Variants in HIVEP3 observed in about 807,000 individuals in gnomAD.
HIVEP3 encodes the protein transcription factor HIVEP3.
In HIVEP3, 49 loss-of-function variants were observed where a neutral mutation model predicts 152.8. That is an observed-to-expected ratio of 0.32 (90% CI 0.26 to 0.41). The LOEUF is 0.41. HIVEP3 is among the 10% of genes least tolerant of loss of function. The pLI, the probability that HIVEP3 is intolerant of heterozygous loss-of-function variation, is 1.00. For missense variants in HIVEP3, 2,790 were observed against 3,103.3 expected, an observed-to-expected ratio of 0.90 and a Z score of 2.40; for synonymous variants, 1,269 against 1,289.0, an observed-to-expected ratio of 0.98 and a Z score of 0.33.
chr1:41,828,969 T>C (rs1293997729), intron 1 of HIVEP3, among the ~76,000 whole-genome samples: 2 of 152,230 alleles, frequency 1.3e-5, no homozygotes, highest in Admixed American at 1.3e-4. Flanking sequence ...CTGGCCAACA[T>C]TGCCCAACCC....
At chr1:41,779,655 C>T (rs1021596476) in intron 1 of HIVEP3, among the ~76,000 whole-genome samples, 16 of 152,194 alleles carry the variant, frequency 1.1e-4, no homozygotes, top group Non-Finnish European at 2.1e-4. Context: ...ACCATTATGC[C>T]TGGCTAATTT....
intron 1 of HIVEP3, among the ~76,000 whole-genome samples, chr1:41,966,684 T>G (rs1645200667): frequency 6.6e-6 from 1 of 150,964 alleles, no homozygotes. Flanking sequence ...GGTTTCACCA[T>G]GTTAGCCAGG....
At chr1:42,023,199 G>T (rs955686551) in intron 1 of HIVEP3, among the ~76,000 whole-genome samples, 2 of 151,920 alleles carry the variant, frequency 1.3e-5, no homozygotes, top group African/African-American at 4.8e-5. Context: ...TAGAGACAGG[G>T]TTTCACCATG....
chr1:41,556,822 A>G (rs1337927714), intron 5 of HIVEP3, among the ~76,000 whole-genome samples: 1 of 152,186 alleles, frequency 6.6e-6, no homozygotes, highest in East Asian at 1.9e-4. Flanking sequence ...ATATGGTGTA[A>G]GGTATGAGTC....
chr1:41,896,466 A>C (rs1229334679), intron 1 of HIVEP3, among the ~76,000 whole-genome samples: 2 of 152,070 alleles, frequency 1.3e-5, no homozygotes, highest in African/African-American at 4.8e-5. Context: ...TGCTTTTCTG[A>C]CTGCCACTTG....
chr1:42,033,814 G>A (rs1450963149), intron 1 of HIVEP3, among the ~76,000 whole-genome samples: 1 of 152,172 alleles, frequency 6.6e-6, no homozygotes, highest in Non-Finnish European at 1.5e-5. Flanking sequence ...AAAGCATAGG[G>A]GCAGGATAGT....
At chr1:41,996,326 C>G (rs575732490) in intron 1 of HIVEP3, among the ~76,000 whole-genome samples, 37 of 151,070 alleles carry the variant, frequency 2.4e-4, no homozygotes, top group Admixed American at 2.1e-3. Flanking sequence ...AGAGTTTGAG[C>G]TTGCAGTGAG....
At chr1:41,615,039 C>T (rs1406301208) in intron 3 of HIVEP3, among the ~76,000 whole-genome samples, 2 of 152,146 alleles carry the variant, frequency 1.3e-5, no homozygotes, top group Admixed American at 1.3e-4. Flanking sequence ...GTCATTAGCT[C>T]CTGTTTGGGA....
At chr1:41,842,159 T>C (rs1037812006) in intron 1 of HIVEP3, among the ~76,000 whole-genome samples, 6 of 152,132 alleles carry the variant, frequency 3.9e-5, no homozygotes, top group Non-Finnish European at 8.8e-5. Context: ...CACTCAATAA[T>C]AACAGCAATA....
Position 41,510,650 on chromosome 1 carries a change from G to A in HIVEP3, c.7022C>T (p.Pro2341Leu). ...RLESPRAPTNPEPSATPPLDR... is the reference protein window; with the variant it reads ...RLESPRAPTNLEPSATPPLDR... ...CAGCGGCGGGGTGGCAGAAGGCTCG[G>A]GGTTGGTCGGTGCACGCGGGGACTC... The change falls in exon 9 of 9, where the codon CCC (proline) becomes CTC (leucine). Residue 2341 changes from proline to leucine, a missense_variant. Pro to Leu is a moderately conservative substitution (Grantham distance 98, BLOSUM62 -3). This residue lies in a region of HIVEP3 where 816 missense variants were observed against 806.5 expected (regional missense o/e 1.01). Coordinates refer to ENST00000372583, the MANE Select transcript of HIVEP3 (RefSeq NM_024503.5). The A allele has an allele frequency of 1.3e-6, 2 of 1,538,626 alleles. No homozygotes were observed. The highest frequency in any genetic ancestry group is 2.5e-5 in the East Asian group (1 of 40,810).
intron 1 of HIVEP3, among the ~76,000 whole-genome samples, chr1:41,784,401 T>C (rs1649225947): frequency 6.6e-6 from 1 of 152,264 alleles, no homozygotes; most frequent in South Asian, 2.1e-4. Context: ...ACTGTTTCTC[T>C]TTGCTTTTTT....
intron 1 of HIVEP3, among the ~76,000 whole-genome samples, chr1:41,770,756 G>T (rs1342501565): frequency 6.6e-6 from 1 of 152,168 alleles, no homozygotes; most frequent in Non-Finnish European, 1.5e-5. Flanking sequence ...GTCACAGAAT[G>T]CAGGACACTA....
chr1:41,917,007 C>T (rs1339610329), intron 1 of HIVEP3, among the ~76,000 whole-genome samples: 1 of 152,174 alleles, frequency 6.6e-6, no homozygotes, highest in Non-Finnish European at 1.5e-5. Context: ...AGAGCTAATA[C>T]CACACTGTCC....
intron 1 of HIVEP3, among the ~76,000 whole-genome samples, chr1:42,000,502 C>A (rs1351305588): frequency 6.6e-6 from 1 of 152,082 alleles, no homozygotes; most frequent in Non-Finnish European, 1.5e-5. Context: ...GAGCAGGTTC[C>A]CAAAGGAGAA....
intron 1 of HIVEP3, among the ~76,000 whole-genome samples, chr1:41,994,885 G>C (rs1377720172): frequency 6.6e-6 from 1 of 151,314 alleles, no homozygotes; most frequent in Non-Finnish European, 1.5e-5. Flanking sequence ...AACCCGAGAG[G>C]CTCCAGAAAC....
intron 5 of HIVEP3, among the ~76,000 whole-genome samples, chr1:41,537,403 T>C (rs1483438901): frequency 2.6e-5 from 4 of 152,212 alleles, no homozygotes; most frequent in Admixed American, 2.6e-4. Flanking sequence ...TGACGAGCAA[T>C]GCACACACTG....
At chr1:41,654,063 G>A (rs916854301) in intron 2 of HIVEP3, among the ~76,000 whole-genome samples, 8 of 146,774 alleles carry the variant, frequency 5.5e-5, no homozygotes, top group East Asian at 2.0e-4. Context: ...CCCAGCTATC[G>A]TCACTGCAAT....
intron 1 of HIVEP3, among the ~76,000 whole-genome samples, chr1:41,806,220 C>G (rs1239904060): frequency 1.3e-5 from 2 of 152,226 alleles, no homozygotes; most frequent in African/African-American, 4.8e-5. Flanking sequence ...GCAGCCACCC[C>G]CCAGGGCTGC....
At chr1:41,997,843 A>T (rs749884258) in intron 1 of HIVEP3, among the ~76,000 whole-genome samples, 3 of 152,242 alleles carry the variant, frequency 2.0e-5, no homozygotes, top group Admixed American at 6.5e-5. Context: ...AGTAAACAGC[A>T]GTTGTGAGAA....
Sources: gnomAD v4.1 joint callset for allele counts (sites outside exome capture counted in the v4.1 genomes callset) on GRCh38, gnomAD v4.1.1 for gene constraint, gnomAD v4.1.1 regional missense constraint, MANE v1.5 for transcripts, NCBI Gene and HGNC (gene_info 2026-07-23, HGNC 2026-07-21) for gene names.